Variants in PAK1 observed in about 807,000 individuals in gnomAD.
PAK1 encodes serine/threonine-protein kinase PAK 1.
Under a neutral mutation model 67.4 loss-of-function variants are expected in PAK1, and 29 were observed. The observed-to-expected ratio is 0.43, with a 90% confidence interval of 0.32 to 0.59. The LOEUF (loss-of-function observed/expected upper bound fraction) is 0.59. PAK1 is among the 20% of genes least tolerant of loss of function. PAK1 has a pLI of 0.07. For missense variants in PAK1, 337 were observed against 670.7 expected (o/e 0.50, Z 5.50); for synonymous variants, 223 against 237.4 (o/e 0.94, Z 0.56).
chr11:77,393,596 T>A (rs976490627), intron 1 of PAK1, among the ~76,000 whole-genome samples: 1 of 152,184 alleles, frequency 6.6e-6, no homozygotes, highest in Non-Finnish European at 1.5e-5. Flanking sequence ...TGTGCTTGGC[T>A]TTCTTCTTCT....
At chr11:77,330,476 C>A (rs1297370499) in intron 14 of PAK1, among the ~76,000 whole-genome samples, 1 of 152,042 alleles carries the variant, frequency 6.6e-6, no homozygotes, top group Non-Finnish European at 1.5e-5. Context: ...TCAGAAATAA[C>A]GCCGCATATC....
At chr11:77,399,499 C>T (rs1205247885) in intron 1 of PAK1, among the ~76,000 whole-genome samples, 1 of 152,124 alleles carries the variant, frequency 6.6e-6, no homozygotes, top group Non-Finnish European at 1.5e-5. Context: ...TGAAGTTTTA[C>T]ACCAGTGCTG....
At chr11:77,425,008 G>A (rs1025850569) in intron 1 of PAK1, among the ~76,000 whole-genome samples, 9 of 152,066 alleles carry the variant, frequency 5.9e-5, no homozygotes, top group African/African-American at 1.9e-4. Context: ...ACATATCTTT[G>A]GCTCAGCCGC....
intron 2 of PAK1, among the ~76,000 whole-genome samples, chr11:77,382,274 C>A (rs1655830446): frequency 6.6e-6 from 1 of 152,146 alleles, no homozygotes; most frequent in South Asian, 2.1e-4. Flanking sequence ...GAAATGAAAT[C>A]ATTTAATACA....
At chr11:77,402,223 G>T (rs1952794159) in intron 1 of PAK1, among the ~76,000 whole-genome samples, 1 of 152,106 alleles carries the variant, frequency 6.6e-6, no homozygotes, top group African/African-American at 2.4e-5. Flanking sequence ...GACTGTATCT[G>T]GGAGGCTTCC....
At chr11:77,520,373 G>A in the PAK1 span, among the ~76,000 whole-genome samples, 1 of 152,180 alleles carries the variant, frequency 6.6e-6, no homozygotes, top group Admixed American at 6.5e-5. Context: ...CATTTAGAGT[G>A]TGATGGCCTG....
At chr11:77,401,183 T>G (rs1238766534) in intron 1 of PAK1, among the ~76,000 whole-genome samples, 2 of 152,242 alleles carry the variant, frequency 1.3e-5, no homozygotes, top group Non-Finnish European at 2.9e-5. Context: ...CTGTATGCCC[T>G]TGACGCCTGG....
At chr11:77,391,397 T>C (rs1045227229) in intron 2 of PAK1, among the ~76,000 whole-genome samples, 2 of 152,206 alleles carry the variant, frequency 1.3e-5, no homozygotes, top group Non-Finnish European at 2.9e-5. Flanking sequence ...ACTTTTAAAA[T>C]AGGAAACTAA....
the PAK1 span, among the ~76,000 whole-genome samples, chr11:77,488,816 G>T: frequency 4.6e-5 from 7 of 152,032 alleles, no homozygotes; most frequent in Non-Finnish European, 8.8e-5. Flanking sequence ...AGCCTCAAAA[G>T]GTCAAACCTA....
chr11:77,378,868 G>A (rs1376509326), intron 4 of PAK1, among the ~76,000 whole-genome samples: 3 of 152,154 alleles, frequency 2.0e-5, no homozygotes, highest in South Asian at 2.1e-4. Context: ...GATTACAGGC[G>A]TGAGGCACTG....
At chr11:77,448,453 T>C (rs576795938) in intron 1 of PAK1, among the ~76,000 whole-genome samples, 1 of 152,144 alleles carries the variant, frequency 6.6e-6, no homozygotes, top group Non-Finnish European at 1.5e-5. Flanking sequence ...AGTACAAATA[T>C]AATATAAGAA....
Position 77,473,869 on chromosome 11 carries a change from GC to G in PAK1, c.-340del, listed in dbSNP as rs1957994813. 1 of 152,424 alleles carries G rather than the reference GC, an allele frequency of 6.6e-6. No individual in the cohort carries two copies. Among genetic ancestry groups the G allele is most frequent in the Non-Finnish European group, 1.5e-5 (1 of 68,478 alleles). The allele number at this position is 152,424 out of a possible 1,614,324, so 9.4% of individuals were successfully genotyped here. ...TGCGGAGACCAGGTTCCTCGAGGGG[GC>G]TCACGAAAGCGCGGGGCTCCGTGGA... is the stretch of plus-strand genomic sequence containing the variant. On this transcript the variant is annotated 5_prime_UTR_variant, in exon 1 of 15. Transcript: ENST00000356341.
chr11:77,500,485 C>T, the PAK1 span, among the ~76,000 whole-genome samples: 3 of 151,906 alleles, frequency 2.0e-5, no homozygotes, highest in South Asian at 2.1e-4. Flanking sequence ...AAAAAAAAGT[C>T]GAAACATAAT....
chr11:77,379,612 G>A (rs1156588480), intron 3 of PAK1, among the ~76,000 whole-genome samples: 1 of 152,164 alleles, frequency 6.6e-6, no homozygotes, highest in African/African-American at 2.4e-5. Context: ...ATACCTCCAG[G>A]ATGGTAGGAT....
Position 77,337,411 on chromosome 11 carries a change from G to A in PAK1, c.1129C>T (p.Leu377=), listed in dbSNP as rs377749221. Residue 377 remains leucine, a synonymous_variant, in exon 12 of 15, where the codon CTG becomes TTG. Coordinates refer to ENST00000356341, the MANE Select transcript of PAK1 (RefSeq NM_002576.5). ...AAVCRECLQA[L]EFLHSNQVIH... ...ACCTGGTTCGAATGCAAGAACTCCA[G>A]AGCCTGCAGACACTATTGAAGTGGT... is the stretch of plus-strand genomic sequence containing the variant. 1.4e-5 allele frequency: 22 copies of A among 1,601,150 alleles called. No homozygotes were observed.
intron 3 of PAK1, 159 bp from the exon 4 acceptor site, chr11:77,379,547 A>G (rs1034936500): frequency 1.6e-6 from 1 of 641,768 alleles, no homozygotes; most frequent in Non-Finnish European, 2.6e-6. Flanking sequence ...CTCTTTTATA[A>G]TATCTTTCTC....
At chr11:77,363,544 T>C (rs908814861) in intron 5 of PAK1, among the ~76,000 whole-genome samples, 1 of 152,264 alleles carries the variant, frequency 6.6e-6, no homozygotes. Flanking sequence ...TAACCACTGC[T>C]TTCACTTAGG....
intron 5 of PAK1, among the ~76,000 whole-genome samples, chr11:77,365,723 C>T (rs1947463848): frequency 6.6e-6 from 1 of 151,984 alleles, no homozygotes; most frequent in South Asian, 2.1e-4. Context: ...ATCCCAGCTA[C>T]TCGGGCGGCT....
upstream of PAK1, among the ~76,000 whole-genome samples, chr11:77,477,623 T>C (rs1002260450): frequency 1.0e-4 from 15 of 147,164 alleles, no homozygotes; most frequent in African/African-American, 3.8e-4. Context: ...CACACCCCTA[T>C]AGTCCCATAG....
Sources: gnomAD v4.1 joint callset for allele counts (sites outside exome capture counted in the v4.1 genomes callset) on GRCh38, gnomAD v4.1.1 for gene constraint, MANE v1.5 for transcripts, NCBI Gene and HGNC (gene_info 2026-07-23, HGNC 2026-07-21) for gene names.